Variants in GRIA2 observed in about 807,000 individuals in gnomAD.
The protein encoded by GRIA2 is glutamate ionotropic receptor AMPA type subunit 2.
GRIA2 carries 14 observed loss-of-function variants against 97.3 expected under a neutral mutation model. That is an observed-to-expected ratio of 0.14 (90% CI 0.10 to 0.23). The LOEUF (loss-of-function observed/expected upper bound fraction) is 0.23, where lower values mean the gene tolerates loss of function less well. Among genes scored for constraint, GRIA2 ranks in the 10% least tolerant of loss-of-function variants. The pLI is 1.00. For synonymous variants in GRIA2, 412 were observed against 387.8 expected (o/e 1.06, Z -0.73); for missense variants, 558 against 1,069.8 (o/e 0.52, Z 6.67).
At chr4:157,224,409 T>A (rs1187057847) in intron 2 of GRIA2, among the ~76,000 whole-genome samples, 1 of 152,176 alleles carries the variant, frequency 6.6e-6, no homozygotes, top group Non-Finnish European at 1.5e-5. Context: ...TAGAAATTTC[T>A]GGGGCTGACA....
intron 12 of GRIA2, among the ~76,000 whole-genome samples, chr4:157,349,279 C>T (rs1390188444): frequency 6.6e-6 from 1 of 152,020 alleles, no homozygotes; most frequent in Non-Finnish European, 1.5e-5. Flanking sequence ...GTGGGATTTT[C>T]CTGGGTACTC....
At chr4:157,295,371 T>G (rs1442824895) in intron 2 of GRIA2, among the ~76,000 whole-genome samples, 1 of 152,112 alleles carries the variant, frequency 6.6e-6, no homozygotes, top group Non-Finnish European at 1.5e-5. Flanking sequence ...ATCATAAATA[T>G]TTGTGGCAGA....
intron 6 of GRIA2, among the ~76,000 whole-genome samples, chr4:157,325,180 C>T (rs1449175935): frequency 6.6e-6 from 1 of 151,962 alleles, no homozygotes; most frequent in Non-Finnish European, 1.5e-5. Context: ...GTTAAATCAG[C>T]TTCCAAAGTT....
intron 12 of GRIA2, among the ~76,000 whole-genome samples, chr4:157,353,242 C>T (rs1736095435): frequency 6.6e-6 from 1 of 151,908 alleles, no homozygotes; most frequent in African/African-American, 2.4e-5. Context: ...ATCCCAGCTA[C>T]TCTGGAGGCT....
At chr4:157,266,015 G>T (rs1367997933) in intron 2 of GRIA2, among the ~76,000 whole-genome samples, 1 of 152,072 alleles carries the variant, frequency 6.6e-6, no homozygotes, top group East Asian at 1.9e-4. Flanking sequence ...GGTGACTGCT[G>T]CATGTAGAAG....
At chr4:157,330,763 T>C (rs1735016383) in intron 6 of GRIA2, among the ~76,000 whole-genome samples, 1 of 152,006 alleles carries the variant, frequency 6.6e-6, no homozygotes, top group Admixed American at 6.6e-5. Flanking sequence ...TGATTTTTTC[T>C]TAATGTGTGG....
intron 2 of GRIA2, among the ~76,000 whole-genome samples, chr4:157,278,928 T>G (rs1560744195): frequency 6.6e-6 from 1 of 152,072 alleles, no homozygotes; most frequent in Non-Finnish European, 1.5e-5. Flanking sequence ...CTTATTAGGA[T>G]GTCTAATATC....
chr4:157,343,958 A>AT lies in GRIA2; in HGVS notation c.2043+2501dup, dbSNP rs1735659810. ...TGATGATAATAGTAAGGAAAATATT[A>AT]TTTTTGCTTCTGGTTCTCAAAATGT... On this transcript the variant is annotated intron_variant, in intron 12 of 15. Coordinates refer to ENST00000264426, the MANE Select transcript of GRIA2 (RefSeq NM_001083619.3). Among the ~76,000 whole-genome samples the AT allele has an allele frequency of 3.3e-5, 5 of 152,160 alleles. No individual in the cohort carries two copies. The South Asian group carries it at 1.0e-3, about 32-fold the overall frequency.
At chr4:157,228,419 T>C (rs1172220226) in intron 2 of GRIA2, among the ~76,000 whole-genome samples, 2 of 152,180 alleles carry the variant, frequency 1.3e-5, no homozygotes, top group Non-Finnish European at 2.9e-5. Flanking sequence ...TATTGATGTA[T>C]GTTAAAATGA....
At chr4:157,243,937 AG>A (rs1286108119) in intron 2 of GRIA2, among the ~76,000 whole-genome samples, 11 of 152,060 alleles carry the variant, frequency 7.2e-5, no homozygotes, top group Admixed American at 2.0e-4. Context: ...TAGAAAAAAA[AG>A]CAGAAAAAAA....
chr4:157,225,224 T>C (rs1729689925), intron 2 of GRIA2, among the ~76,000 whole-genome samples: 1 of 152,044 alleles, frequency 6.6e-6, no homozygotes, highest in Non-Finnish European at 1.5e-5. Flanking sequence ...TCCTTCCCTT[T>C]CACAATCACA....
chr4:157,277,165 A>G (rs368053754), intron 2 of GRIA2, among the ~76,000 whole-genome samples: 1 of 151,934 alleles, frequency 6.6e-6, no homozygotes, highest in Non-Finnish European at 1.5e-5. Flanking sequence ...ATGAAACCCA[A>G]TAATGTATAA....
At chr4:157,340,733 C>A (rs567019195) in intron 11 of GRIA2, among the ~76,000 whole-genome samples, 26 of 151,804 alleles carry the variant, frequency 1.7e-4, no homozygotes, top group Non-Finnish European at 3.4e-4. Flanking sequence ...GTATCTAATA[C>A]CTATGTTTTA....
chr4:157,336,930 G>A (rs753956859), intron 11 of GRIA2, among the ~76,000 whole-genome samples, 183 bp downstream of exon 11: 2 of 152,044 alleles, frequency 1.3e-5, no homozygotes, highest in Non-Finnish European at 2.9e-5. Flanking sequence ...AATGTTCTTT[G>A]AATGTTGCTC....
At chr4:157,355,951 T>TTAATATATTTA (rs1736306427) in intron 12 of GRIA2, among the ~76,000 whole-genome samples, 2 of 68,098 alleles carry the variant, frequency 2.9e-5, no homozygotes, top group African/African-American at 7.5e-5. Context: ...TAATATATAT[T>TTAATATATTTA]TATATATTTA....
At chr4:157,310,623 T>C (rs1252734140) in intron 3 of GRIA2, among the ~76,000 whole-genome samples, 2 of 152,048 alleles carry the variant, frequency 1.3e-5, no homozygotes, top group Non-Finnish European at 2.9e-5. Flanking sequence ...ATGATTTTTA[T>C]ATTTTAAATA....
rs761115180 is a variant in GRIA2 at position 157,334,149 on chromosome 4, T to C, written c.1266+29T>C. On this transcript the variant is annotated intron_variant, in intron 9 of 15. Transcript: ENST00000264426. ...ATTTGCTACATATGCCATGTTTTAC[T>C]TTGTATTTTCTTATGGCTAATATCT... The C allele has an allele frequency of 2.8e-6, 3 of 1,087,626 alleles. No individual in the cohort carries two copies. In the East Asian group the frequency reaches 7.1e-5, roughly 26 times the overall value. 67.4% of individuals were successfully genotyped at this position (1,087,626 alleles called of 1,614,324 possible).
chr4:157,355,875 T>C (rs1388719404), intron 12 of GRIA2, among the ~76,000 whole-genome samples: 1 of 53,118 alleles, frequency 1.9e-5, no homozygotes, highest in Non-Finnish European at 3.6e-5. Context: ...ATTAACATAT[T>C]TATATATATT....
chr4:157,348,918 C>A (rs1447850137), intron 12 of GRIA2, among the ~76,000 whole-genome samples: 1 of 152,136 alleles, frequency 6.6e-6, no homozygotes, highest in Non-Finnish European at 1.5e-5. Context: ...TATAAGATTA[C>A]CTTTTCTTAA....
Sources: gnomAD v4.1 joint callset for allele counts (sites outside exome capture counted in the v4.1 genomes callset) on GRCh38, gnomAD v4.1.1 for gene constraint, MANE v1.5 for transcripts, NCBI Gene and HGNC (gene_info 2026-07-23, HGNC 2026-07-21) for gene names.